SLC4A3: variants seen among roughly 807,000 people sequenced by gnomAD.
SLC4A3 encodes the protein anion exchange protein 3.
In SLC4A3, 47 loss-of-function variants were observed where a neutral mutation model predicts 114.2. The observed-to-expected ratio is 0.41, with a 90% CI of 0.33 to 0.52. The LOEUF is 0.52. SLC4A3 is among the 20% of genes least tolerant of loss of function. The pLI, the probability that SLC4A3 is intolerant of heterozygous loss-of-function variation, is 0.21. For synonymous variants in SLC4A3, 693 were observed against 710.3 expected, an observed-to-expected ratio of 0.98 and a Z score of 0.39; for missense variants, 1,312 against 1,668.3, an observed-to-expected ratio of 0.79 and a Z score of 3.72.
Position 219,628,324 on chromosome 2 carries a change from C to T in SLC4A3, c.52-81C>T, listed in dbSNP as rs1698792379. On this transcript the variant is annotated intron_variant, in intron 2 of 22. Coordinates refer to ENST00000358055, the MANE Select transcript of SLC4A3 (RefSeq NM_005070.4). The surrounding 1 kb of genome is among the most constrained non-coding windows in gnomAD (Gnocchi z 4.8). ...ATGGTGTGAGAGCCTGCTGAGCTCC[C>T]CCAACTAGGGCTTGGAGTTGGGGTG... 1 of 1,421,490 alleles carries T rather than the reference C, an allele frequency of 7.0e-7. No individual in the cohort carries two copies. Among genetic ancestry groups the T allele is most frequent in the African/African-American group, 1.4e-5 (1 of 69,926 alleles). 88.1% of individuals were successfully genotyped at this position (1,421,490 alleles called of 1,614,324 possible).
rs560614673 is a variant in SLC4A3 at position 219,628,752 on chromosome 2, C to G, written c.217+182C>G. 4.3e-6 allele frequency: 3 copies of G among 701,634 alleles called. No homozygotes were observed. In the African/African-American group the frequency reaches 5.4e-5, roughly 13 times the overall value. The allele number at this position is 701,634 out of a possible 1,614,324, so 43.5% of individuals were successfully genotyped here. A position where few individuals can be genotyped will look rare whatever the true frequency, so the allele number is the denominator to read the frequency against. ...CTGCCTCCCCCACCCATCGCCTGTC[C>G]GCCTGCCTGGGGAGGTGGGCCCCAG... On this transcript the variant is annotated intron_variant, in intron 3 of 22. Transcript: ENST00000358055. This position sits in a 1 kb window ranked among gnomAD's most constrained non-coding sequence, Gnocchi z 4.8.
intron 5 of SLC4A3, chr2:219,629,926 G>A (rs1698860432): frequency 1.2e-6 from 1 of 825,934 alleles, no homozygotes; most frequent in South Asian, 1.8e-5. Flanking sequence ...GAAGAGGTTA[G>A]GAGTTCCCCA....
rs770010643 is a variant in SLC4A3 at position 219,640,961 on chromosome 2, C to T, written c.3620C>T (p.Ala1207Val). The T allele has an allele frequency of 3.7e-6, 6 of 1,604,174 alleles. No individual in the cohort carries two copies. The highest frequency in any genetic ancestry group is 2.7e-5 in the African/African-American group (2 of 74,882). Residue 1207 changes from alanine (A) to valine (V), a missense_variant and splice_region_variant, in exon 22 of 23, where the codon GCG becomes GTG. This residue lies in a region of SLC4A3 where 301 missense variants were observed against 460.7 expected (regional missense o/e 0.65). Coordinates refer to ENST00000358055, the MANE Select transcript of SLC4A3 (RefSeq NM_005070.4). The part of the protein sequence containing the change: ...PRLFQDRELQ[A>V]LDSEDAEPNF... The stretch of plus-strand genomic sequence containing the variant: ...CTCTTCCAGGACAGGGAGCTGCAGG[C>T]GGTAAGGGGGTGGTGGTCTGGGGAA...
intron 5 of SLC4A3, among the ~76,000 whole-genome samples, 187 bp downstream of exon 5, chr2:219,629,882 A>AG (rs3214742): frequency 0.011 from 1,170 of 105,034 alleles, 17 homozygotes; most frequent in East Asian, 0.069. Context: ...GGAGAGAACA[A>AG]GGGGGGGGGG....
Position 219,628,454 on chromosome 2 carries a change from A to G in SLC4A3, c.101A>G (p.Glu34Gly). The change falls in exon 3 of 23, where the codon GAG becomes GGG. Residue 34 changes from glutamate (E) to glycine (G), a missense_variant. Glu to Gly is a moderately conservative substitution (Grantham distance 98). Around this residue, in one of 4 missense-constraint regions of SLC4A3, gnomAD observed 236 missense variants for 212.1 expected, o/e 1.11. Coordinates refer to ENST00000358055, the MANE Select transcript of SLC4A3 (RefSeq NM_005070.4). This position sits in a 1 kb window ranked among gnomAD's most constrained non-coding sequence, Gnocchi z 4.8. ...CCTCTAAGTCCAGACGTGGAGGAGG[A>G]GGACGATGACTTGGGCAAGACCTTG... ...EPPLSPDVEE[E>G]DDDLGKTLAV... The G allele has an allele frequency of 6.2e-7, 1 of 1,613,552 alleles. No homozygotes were observed. Among genetic ancestry groups the G allele is most frequent in the Non-Finnish European group, 8.5e-7 (1 of 1,179,828 alleles).
At chr2:219,633,521 A>T (rs1699011860) in intron 10 of SLC4A3, 64 bp downstream of exon 10, 1 of 1,373,534 alleles carries the variant, frequency 7.3e-7, no homozygotes, top group Non-Finnish European at 9.7e-7. Context: ...AGTCGAGGTC[A>T]TCGACGACTT....
rs752250796 is a variant in SLC4A3, at chr2:219,639,618, G to A, written c.3160G>A (p.Val1054Ile). 41 of 1,613,724 alleles carry A rather than the reference G, an allele frequency of 2.5e-5. No homozygotes were observed. Among genetic ancestry groups the A allele is most frequent in the Non-Finnish European group, 3.3e-5 (39 of 1,180,038 alleles). Residue 1054 changes from valine to isoleucine, a missense_variant, in exon 20 of 23, where the codon GTC (valine) becomes ATC (isoleucine). This residue lies in a region of SLC4A3 where 301 missense variants were observed against 460.7 expected (regional missense o/e 0.65). Transcript: ENST00000358055. This position sits in a 1 kb window ranked among gnomAD's most constrained non-coding sequence, Gnocchi z 5.9. ...GCTCACGGCTGCCACGGTCCGCTCC[G>A]TCACCCATGTCAATGCGTTGACAGT... ...PWLTAATVRS[V>I]THVNALTVMR...
chr2:219,629,885 G>C (rs57833265), intron 5 of SLC4A3, among the ~76,000 whole-genome samples, 190 bp downstream of exon 5: 29 of 142,636 alleles, frequency 2.0e-4, no homozygotes, highest in Middle Eastern at 3.4e-3. Flanking sequence ...GAGAACAAGG[G>C]GGGGGGGAGA....
intron 21 of SLC4A3, 47 bp downstream of exon 21, chr2:219,640,646 G>T (rs760865962): frequency 6.3e-7 from 1 of 1,592,208 alleles, no homozygotes; most frequent in South Asian, 1.1e-5. Context: ...GACGGGAAGG[G>T]GATCCAGAGG....
chr2:219,627,916 C>G lies in SLC4A3; in HGVS notation c.-77C>G. 1 of 1,239,218 alleles carries G rather than the reference C, an allele frequency of 8.1e-7. No individual in the cohort carries two copies. The highest frequency in any genetic ancestry group is 1.2e-6 in the Non-Finnish European group (1 of 867,882). The allele number at this position is 1,239,218 out of a possible 1,614,324, so 76.8% of individuals were successfully genotyped here. On this transcript the variant is annotated 5_prime_UTR_variant, in exon 2 of 23. Coordinates refer to ENST00000358055, the MANE Select transcript of SLC4A3 (RefSeq NM_005070.4). ...CTCCCCCAGGGCTCCCCGCTAGGCC[C>G]CCTCAGTGGCCCCTCCTTCTCACCT... is the stretch of plus-strand genomic sequence containing the variant.
rs1403969764 is a variant in SLC4A3 at position 219,631,769 on chromosome 2, T to TG, written c.812-195dup. On this transcript the variant is annotated intron_variant, in intron 6 of 22. Transcript: ENST00000358055. This position sits in a 1 kb window ranked among gnomAD's most constrained non-coding sequence, Gnocchi z 6.3. ...CTTGGCCGGTGGTCCCAGGTGACCATGGGGAGGTCCTTCCCTCTTTCTGAG... is the reference window on the plus strand; with the variant it reads ...CTTGGCCGGTGGTCCCAGGTGACCATGGGGGAGGTCCTTCCCTCTTTCTGAG... Among the ~76,000 whole-genome samples, 1 of 151,866 alleles carries TG rather than the reference T, an allele frequency of 6.6e-6. No homozygotes were observed. Among genetic ancestry groups the TG allele is most frequent in the Non-Finnish European group, 1.5e-5 (1 of 67,938 alleles).
chr2:219,639,599 G>A lies in SLC4A3; in HGVS notation c.3141G>A (p.Thr1047=), dbSNP rs201512799. The A allele has an allele frequency of 9.3e-6, 15 of 1,613,978 alleles. No individual in the cohort carries two copies. Among genetic ancestry groups the A allele is most frequent in the African/African-American group, 6.7e-5 (5 of 75,030 alleles). ...GGCTGTTTGGGTTGCCCTGGCTCAC[G>A]GCTGCCACGGTCCGCTCCGTCACCC... is the stretch of plus-strand genomic sequence containing the variant. The part of the protein sequence containing the change: ...LCGLFGLPWL[T]AATVRSVTHV... The change falls in exon 20 of 23, where the codon ACG becomes ACA. Residue 1047 remains threonine (T), a synonymous_variant. Coordinates refer to ENST00000358055, the MANE Select transcript of SLC4A3 (RefSeq NM_005070.4). The surrounding 1 kb of genome is among the most constrained non-coding windows in gnomAD (Gnocchi z 5.9).
At chr2:219,640,682 T>A in intron 21 of SLC4A3, 83 bp downstream of exon 21, 1 of 1,570,950 alleles carries the variant, frequency 6.4e-7, no homozygotes, top group African/African-American at 1.3e-5. Context: ...ATGGATGGGA[T>A]GAATATGAAG....
chr2:219,641,611 A>T lies in SLC4A3; in HGVS notation c.3622-40A>T, dbSNP rs1275889215. 1.3e-6 allele frequency: 2 copies of T among 1,533,112 alleles called. No homozygotes were observed. The highest frequency in any genetic ancestry group is 1.4e-5 in the African/African-American group (1 of 73,470). The allele number at this position is 1,533,112 out of a possible 1,614,324, so 95.0% of individuals were successfully genotyped here. ...AGCTGGAGAATGGGAGGGGACGAGC[A>T]TGCTTCCCTGCCTTCCCCAACCTTC... is the stretch of plus-strand genomic sequence containing the variant. On this transcript the variant is annotated intron_variant, in intron 22 of 22. Coordinates refer to ENST00000358055, the MANE Select transcript of SLC4A3 (RefSeq NM_005070.4). The surrounding 1 kb of genome is among the most constrained non-coding windows in gnomAD (Gnocchi z 4.0).
At position 219,628,588 on chromosome 2, in the gene SLC4A3, C is replaced by A. The variant is rs764200110; in HGVS notation, c.217+18C>A. ...CTTTGAGTGTGGGTAGCCTGGGGAC[C>A]CCTAGTGCGGCCGCCCTCGCCACCA... On this transcript the variant is annotated intron_variant, in intron 3 of 22. Transcript: ENST00000358055. The surrounding 1 kb of genome is among the most constrained non-coding windows in gnomAD (Gnocchi z 4.8). 71 of 1,609,540 alleles carry A rather than the reference C, an allele frequency of 4.4e-5. No individual in the cohort carries two copies. The highest frequency in any genetic ancestry group is 6.0e-5 in the Non-Finnish European group (71 of 1,179,022).
In SLC4A3 at chr2:219,628,889, T is replaced by C; in HGVS notation, c.218-255T>C. ...CCACCTCGGCTAGTCCAACTCCGCC[T>C]TTCCCCTCCTTGCTGTATCACGTCT... is the stretch of plus-strand genomic sequence containing the variant. On this transcript the variant is annotated intron_variant, in intron 3 of 22. Transcript: ENST00000358055. The surrounding 1 kb of genome is among the most constrained non-coding windows in gnomAD (Gnocchi z 4.8). The C allele has an allele frequency of 1.7e-6, 1 of 583,878 alleles. No homozygotes were observed. Among genetic ancestry groups the C allele is most frequent in the Admixed American group, 3.2e-5 (1 of 31,282 alleles). 36.2% of individuals were successfully genotyped at this position (583,878 alleles called of 1,614,324 possible). A position where few individuals can be genotyped will look rare whatever the true frequency, so the allele number is the denominator to read the frequency against.
chr2:219,639,701 G>A lies in SLC4A3; in HGVS notation c.3243G>A (p.Gln1081=), dbSNP rs1006902239. Residue 1081 remains glutamine (Q), a synonymous_variant, in exon 20 of 23, where the codon CAG becomes CAA. Transcript: ENST00000358055. This position sits in a 1 kb window ranked among gnomAD's most constrained non-coding sequence, Gnocchi z 5.9. ...DKPQIQEVRE[Q]RVTGVLIASL... ...CCCAGATCCAGGAGGTGCGGGAGCA[G>A]CGGGTCACTGGTGTGCTCATCGCCA... The A allele has an allele frequency of 6.2e-7, 1 of 1,610,914 alleles. No individual in the cohort carries two copies. Among genetic ancestry groups the A allele is most frequent in the Non-Finnish European group, 8.5e-7 (1 of 1,180,000 alleles).
chr2:219,635,870 A>G lies in SLC4A3; in HGVS notation c.2170A>G (p.Ile724Val). 1 of 1,535,450 alleles carries G rather than the reference A, an allele frequency of 6.5e-7. No homozygotes were observed. The highest frequency in any genetic ancestry group is 8.7e-7 in the Non-Finnish European group (1 of 1,144,258). Residue 724 changes from isoleucine (I) to valine (V), a missense_variant, in exon 14 of 23, where the codon ATC becomes GTC. Ile to Val is a conservative substitution (Grantham distance 29). Coordinates refer to ENST00000358055, the MANE Select transcript of SLC4A3 (RefSeq NM_005070.4). ...CTACTTCGCAGCCCTCAGCCCTGCC[A>G]TCACCTTCGGGGGGCTGCTGGGTAA... ...FIYFAALSPA[I>V]TFGGLLGEKT...
At chr2:219,633,640 G>A (rs1378731136) in intron 10 of SLC4A3, among the ~76,000 whole-genome samples, 183 bp downstream of exon 10, 1 of 152,258 alleles carries the variant, frequency 6.6e-6, no homozygotes, top group Non-Finnish European at 1.5e-5. Context: ...AGTTTTGAAT[G>A]TGATGATGTG....
Sources: allele counts gnomAD v4.1 joint callset (sites outside exome capture counted in the v4.1 genomes callset), GRCh38; gene constraint gnomAD v4.1.1; regional missense constraint gnomAD v4.1.1; non-coding constraint Gnocchi (gnomAD v3.1); transcripts MANE v1.5; gene names NCBI Gene and HGNC (gene_info 2026-07-23, HGNC 2026-07-21).